GSG1L: variants seen among roughly 807,000 people sequenced by gnomAD.
GSG1L encodes the protein germ cell-specific gene 1-like protein.
Under a neutral mutation model 42.1 loss-of-function variants are expected in GSG1L, and 24 were observed. That is an observed-to-expected ratio of 0.57 (90% CI 0.41 to 0.80). The LOEUF (loss-of-function observed/expected upper bound fraction) is 0.80, where lower values mean the gene tolerates loss of function less well. Ranked by LOEUF, GSG1L falls within the 30% of genes least tolerant of loss-of-function variation. The probability of loss-of-function intolerance (pLI) is 0.00; values close to 1 mark genes in which losing one functional copy is unlikely to be tolerated. For missense variants in GSG1L, 445 were observed against 472.2 expected, an observed-to-expected ratio of 0.94 and a Z score of 0.53; for synonymous variants, 215 against 203.5, an observed-to-expected ratio of 1.06 and a Z score of -0.48.
At chr16:28,058,251 C>T (rs565167271) in intron 1 of GSG1L, among the ~76,000 whole-genome samples, 1 of 152,300 alleles carries the variant, frequency 6.6e-6, no homozygotes, top group African/African-American at 2.4e-5. Context: ...CTCACTTCAC[C>T]TCTCTGTGCC....
chr16:27,975,399 C>G (rs1363427386), intron 1 of GSG1L, among the ~76,000 whole-genome samples: 2 of 152,002 alleles, frequency 1.3e-5, no homozygotes, highest in Non-Finnish European at 2.9e-5. Context: ...GTGGTCCCCA[C>G]CCCTCCTCAC....
chr16:27,915,967 TC>T (rs1371390045), intron 2 of GSG1L, among the ~76,000 whole-genome samples: 1 of 152,016 alleles, frequency 6.6e-6, no homozygotes, highest in Non-Finnish European at 1.5e-5. Flanking sequence ...CCTACCCAGG[TC>T]CCCTTTGCAG....
chr16:27,919,885 C>T (rs187869820), intron 2 of GSG1L, among the ~76,000 whole-genome samples: 12 of 152,344 alleles, frequency 7.9e-5, no homozygotes, highest in Admixed American at 7.2e-4. Flanking sequence ...TATTTATCAT[C>T]CTGGGAGTAA....
intron 3 of GSG1L, among the ~76,000 whole-genome samples, chr16:27,847,432 T>C (rs2083456231): frequency 6.6e-6 from 1 of 152,172 alleles, no homozygotes; most frequent in South Asian, 2.1e-4. Flanking sequence ...CCCTGCCCTG[T>C]GCTAGTCCAA....
chr16:28,018,208 G>A (rs564888411), intron 1 of GSG1L, among the ~76,000 whole-genome samples: 9 of 152,268 alleles, frequency 5.9e-5, no homozygotes, highest in African/African-American at 1.9e-4. Flanking sequence ...ACTTTTGGCT[G>A]TAATAAAAAC....
At chr16:27,958,828 C>T (rs1285505270) in intron 2 of GSG1L, among the ~76,000 whole-genome samples, 1 of 152,040 alleles carries the variant, frequency 6.6e-6, no homozygotes, top group East Asian at 1.9e-4. Context: ...GTGCATGCCA[C>T]CATGCCCAGT....
intron 1 of GSG1L, among the ~76,000 whole-genome samples, chr16:27,986,236 A>G (rs1407445405): frequency 6.6e-6 from 1 of 152,204 alleles, no homozygotes; most frequent in Non-Finnish European, 1.5e-5. Context: ...GCAATGGCTC[A>G]TGCCTATAAT....
chr16:28,046,556 G>A lies in GSG1L; in HGVS notation c.349+16520C>T, dbSNP rs988710046. Among the ~76,000 whole-genome samples the A allele has an allele frequency of 5.3e-5, 8 of 151,954 alleles. No individual in the cohort carries two copies. The East Asian group carries it at 7.8e-4, about 15-fold the overall frequency. On this transcript the variant is annotated intron_variant, in intron 1 of 6. Transcript: ENST00000447459. ...TTTTAGTAGAGACGGGGGTTTCACC[G>A]TGTTAGCCAGGATGGTCTCGATCTC...
At chr16:27,968,778 A>C (rs899076536) in intron 1 of GSG1L, among the ~76,000 whole-genome samples, 2 of 152,288 alleles carry the variant, frequency 1.3e-5, no homozygotes, top group East Asian at 3.9e-4. Context: ...AATTTTATTG[A>C]GATATAATTC....
Position 27,888,535 on chromosome 16 carries a change from CTTT to C in GSG1L, c.398-3900_398-3898del, listed in dbSNP as rs1358665686. On this transcript the variant is annotated intron_variant, in intron 2 of 6. Transcript: ENST00000447459. ...TCTTTCTTTCTTTCTTTCTTTCTTT[CTTT>C]CTTTCTTTCTTTCTTTCTTTCTTTC... is the stretch of plus-strand genomic sequence containing the variant. Among the ~76,000 whole-genome samples the C allele has an allele frequency of 1.8e-4, 5 of 27,338 alleles. 1 individual carries two copies. The Admixed American group carries it at 2.1e-3, about 11-fold the overall frequency. 17.9% of individuals were successfully genotyped at this position (27,338 alleles called of 152,430 possible). A position where few individuals can be genotyped will look rare whatever the true frequency, so the allele number is the denominator to read the frequency against.
chr16:27,802,712 A>G (rs1202578913), intron 6 of GSG1L, among the ~76,000 whole-genome samples: 3 of 151,938 alleles, frequency 2.0e-5, no homozygotes, highest in Admixed American at 6.6e-5. Flanking sequence ...GGCTTCAACC[A>G]TCCCATACTG....
intron 2 of GSG1L, among the ~76,000 whole-genome samples, chr16:27,933,806 T>C (rs550035256): frequency 6.6e-6 from 1 of 152,138 alleles, no homozygotes; most frequent in Non-Finnish European, 1.5e-5. Context: ...GGTCTTCCAA[T>C]GTCACCTTTT....
intron 2 of GSG1L, among the ~76,000 whole-genome samples, chr16:27,951,464 G>C (rs950659242): frequency 6.6e-6 from 1 of 152,110 alleles, no homozygotes; most frequent in Non-Finnish European, 1.5e-5. Flanking sequence ...CCAGTCCCTC[G>C]GGAGCATCGA....
intron 1 of GSG1L, among the ~76,000 whole-genome samples, chr16:28,005,952 G>A (rs886619174): frequency 1.3e-5 from 2 of 152,198 alleles, no homozygotes; most frequent in African/African-American, 4.8e-5. Context: ...CCTGAAATGG[G>A]GAGATGATCC....
At position 27,997,177 on chromosome 16, in the gene GSG1L, C is replaced by T. The variant is rs542581934; in HGVS notation, c.350-33974G>A. On this transcript the variant is annotated intron_variant, in intron 1 of 6. Transcript: ENST00000447459. ...CTCCAGGGAAGATATCATGTCCTTGCCTCTTCTACCTTCTCCTGGATGCCC... is the reference window on the plus strand; with the variant it reads ...CTCCAGGGAAGATATCATGTCCTTGTCTCTTCTACCTTCTCCTGGATGCCC... Among the ~76,000 whole-genome samples, 20 of 152,198 alleles carry T rather than the reference C, an allele frequency of 1.3e-4. No homozygotes were observed. The South Asian group carries it at 4.0e-3, about 30-fold the overall frequency.
At position 27,886,724 on chromosome 16, in the gene GSG1L, G is replaced by A. The variant is rs1045117978; in HGVS notation, c.398-2086C>T. 9.2e-5 allele frequency among the ~76,000 whole-genome samples: 14 copies of A among 152,140 alleles called. No homozygotes were observed. The South Asian group carries it at 2.7e-3, about 29-fold the overall frequency. ...TATGATTTCTGAAAGAAAAAGTAGCGAATAGAAGATGGAACTAGGAACACA... is the reference window on the plus strand; with the variant it reads ...TATGATTTCTGAAAGAAAAAGTAGCAAATAGAAGATGGAACTAGGAACACA... On this transcript the variant is annotated intron_variant, in intron 2 of 6. Coordinates refer to ENST00000447459, the MANE Select transcript of GSG1L (RefSeq NM_001109763.2).
intron 6 of GSG1L, among the ~76,000 whole-genome samples, chr16:27,792,453 A>G (rs528842750): frequency 1.4e-4 from 22 of 152,248 alleles, no homozygotes; most frequent in African/African-American, 4.8e-4. Flanking sequence ...TTTTTGGAAG[A>G]TCACTCCCTT....
In GSG1L at chr16:27,813,274, TG is replaced by T. The variant is rs1398813296; in HGVS notation, c.831-5721del. Among the ~76,000 whole-genome samples, 4 of 124,108 alleles carry T rather than the reference TG, an allele frequency of 3.2e-5. No individual in the cohort carries two copies. In the East Asian group the frequency reaches 7.7e-4, roughly 24 times the overall value. 81.4% of individuals were successfully genotyped at this position (124,108 alleles called of 152,430 possible). On this transcript the variant is annotated intron_variant, in intron 5 of 6. Transcript: ENST00000447459. ...CCACCTTCAAGTAGGTCCTGGTGTC[TG>T]TTGTTCCCTCATCATTTAGCTCTCA... is the stretch of plus-strand genomic sequence containing the variant.
At position 27,888,603 on chromosome 16, in the gene GSG1L, C is replaced by T. The variant is rs569141517; in HGVS notation, c.398-3965G>A. The stretch of plus-strand genomic sequence containing the variant: ...TCTTTCTCCGTCTCTCTCTGTCTCT[C>T]TCTCTCCCCGCCCCCCTTTCTTTTC... On this transcript the variant is annotated intron_variant, in intron 2 of 6. Coordinates refer to ENST00000447459, the MANE Select transcript of GSG1L (RefSeq NM_001109763.2). Among the ~76,000 whole-genome samples the T allele has an allele frequency of 2.3e-3, 339 of 147,686 alleles. 7 individuals carry two copies. The highest frequency in any genetic ancestry group is 8.1e-3 in the African/African-American group (320 of 39,512).
Sources: gnomAD v4.1 joint callset for allele counts (sites outside exome capture counted in the v4.1 genomes callset) on GRCh38, gnomAD v4.1.1 for gene constraint, MANE v1.5 for transcripts, NCBI Gene and HGNC (gene_info 2026-07-23, HGNC 2026-07-21) for gene names.